Variants in JARID2 observed in about 807,000 individuals in gnomAD.
JARID2 encodes jumonji and AT-rich interaction domain containing 2.
JARID2 carries 21 observed loss-of-function variants against 125.6 expected under a neutral mutation model. The ratio of observed to expected loss-of-function variants is 0.17; its 90% CI spans 0.12 to 0.24. The LOEUF (loss-of-function observed/expected upper bound fraction) is 0.24. Among genes scored for constraint, JARID2 ranks in the 10% least tolerant of loss-of-function variants. JARID2 has a pLI of 1.00. For missense variants in JARID2, 1,303 were observed against 1,639.6 expected, an observed-to-expected ratio of 0.79 and a Z score of 3.55; for synonymous variants, 736 against 661.6, an observed-to-expected ratio of 1.11 and a Z score of -1.73.
chr6:15,258,215 G>A (rs1378991585), intron 1 of JARID2, among the ~76,000 whole-genome samples: 1 of 152,186 alleles, frequency 6.6e-6, no homozygotes, highest in Non-Finnish European at 1.5e-5. Flanking sequence ...TTCTGACACT[G>A]TGTTGGGAGT....
intron 1 of JARID2, among the ~76,000 whole-genome samples, chr6:15,277,417 C>T (rs911549455): frequency 6.6e-6 from 1 of 152,158 alleles, no homozygotes; most frequent in African/African-American, 2.4e-5. Flanking sequence ...AGCCACCGTG[C>T]TCTTGGCCTT....
intron 1 of JARID2, among the ~76,000 whole-genome samples, chr6:15,357,397 C>CT (rs1763639703): frequency 6.6e-6 from 1 of 152,176 alleles, no homozygotes; most frequent in African/African-American, 2.4e-5. Flanking sequence ...CATTCTTAGT[C>CT]TTTAATCACA....
chr6:15,258,626 A>G (rs1246820830), intron 1 of JARID2, among the ~76,000 whole-genome samples: 1 of 152,192 alleles, frequency 6.6e-6, no homozygotes, highest in East Asian at 1.9e-4. Flanking sequence ...TACTGAAAAT[A>G]CAAAAATTAG....
intron 3 of JARID2, among the ~76,000 whole-genome samples, chr6:15,433,743 A>G (rs1266547059): frequency 6.6e-6 from 1 of 151,924 alleles, no homozygotes; most frequent in Admixed American, 6.6e-5. Context: ...GTTTTTCTCC[A>G]TTCTTTTGGG....
chr6:15,335,377 G>A (rs537657121), intron 1 of JARID2, among the ~76,000 whole-genome samples: 74 of 152,284 alleles, frequency 4.9e-4, no homozygotes, highest in African/African-American at 1.7e-3. Context: ...TGGGATTGCT[G>A]GTGTGAGCCA....
In JARID2 at chr6:15,436,315, T is replaced by C. The variant is rs182379837; in HGVS notation, c.324-15691T>C. Among the ~76,000 whole-genome samples, 627 of 152,234 alleles carry C rather than the reference T, an allele frequency of 4.1e-3. 5 individuals are homozygous for C. Among genetic ancestry groups the C allele is most frequent in the African/African-American group, 0.014 (590 of 41,530 alleles). On this transcript the variant is annotated intron_variant, in intron 3 of 17. Transcript: ENST00000341776. Reference sequence around the variant, plus strand: ...GCAGATGGGAGAGCCAGAAGGGAGATGGTTTTCCCCTGGAGGCGGGCTGCA... The same window carrying C: ...GCAGATGGGAGAGCCAGAAGGGAGACGGTTTTCCCCTGGAGGCGGGCTGCA...
At chr6:15,516,637 CTG>C (rs916755845) in intron 16 of JARID2, among the ~76,000 whole-genome samples, 12 of 152,346 alleles carry the variant, frequency 7.9e-5, no homozygotes, top group African/African-American at 2.6e-4. Flanking sequence ...GCTCTGTTGA[CTG>C]TGAGCCACTC....
At chr6:15,506,790 AC>A (rs2127754880) in intron 9 of JARID2, among the ~76,000 whole-genome samples, 1 of 152,362 alleles carries the variant, frequency 6.6e-6, no homozygotes, top group Non-Finnish European at 1.5e-5. Flanking sequence ...ATGTGTCAGA[AC>A]TGACATCCTT....
chr6:15,414,575 A>G (rs1048405719), intron 3 of JARID2, among the ~76,000 whole-genome samples: 15 of 152,220 alleles, frequency 9.9e-5, no homozygotes, highest in Non-Finnish European at 1.6e-4. Flanking sequence ...TTGAAAGGTC[A>G]TCTGAGATGC....
intron 1 of JARID2, among the ~76,000 whole-genome samples, chr6:15,317,687 A>C (rs180939370): frequency 3.3e-4 from 50 of 151,844 alleles, no homozygotes; most frequent in Admixed American, 1.0e-3. Context: ...TTTGAGTTTT[A>C]GTTGGAGTTT....
At chr6:15,470,430 C>T (rs1769019434) in intron 5 of JARID2, among the ~76,000 whole-genome samples, 1 of 152,190 alleles carries the variant, frequency 6.6e-6, no homozygotes, top group Non-Finnish European at 1.5e-5. Context: ...TACCATTTGC[C>T]TTTCTGGATT....
At chr6:15,504,459 G>C in intron 8 of JARID2, 41 bp from the exon 9 acceptor site, 2 of 1,494,714 alleles carry the variant, frequency 1.3e-6, no homozygotes, top group Non-Finnish European at 1.9e-6. Context: ...GTAGGGTTCA[G>C]CTTTGCTTCT....
intron 1 of JARID2, among the ~76,000 whole-genome samples, chr6:15,261,480 C>T (rs1001897917): frequency 6.6e-6 from 1 of 151,198 alleles, no homozygotes; most frequent in Admixed American, 6.6e-5. Context: ...ACGACACCCA[C>T]CTAAATTTTG....
intron 1 of JARID2, among the ~76,000 whole-genome samples, chr6:15,267,844 T>C (rs984263811): frequency 8.5e-5 from 13 of 152,110 alleles, no homozygotes; most frequent in African/African-American, 3.1e-4. Context: ...TTTGTGTTGC[T>C]TGGGGCCCTG....
At chr6:15,266,145 C>T (rs2127342076) in intron 1 of JARID2, among the ~76,000 whole-genome samples, 1 of 152,270 alleles carries the variant, frequency 6.6e-6, no homozygotes, top group African/African-American at 2.4e-5. Context: ...TCCCATTTTA[C>T]CTTAGGAAGT....
rs114982733 is a variant in JARID2 at position 15,299,009 on chromosome 6, C to A, written c.45+52425C>A. Among the ~76,000 whole-genome samples the A allele has an allele frequency of 7.7e-5, 7 of 91,390 alleles. No individual in the cohort carries two copies. The East Asian group carries it at 2.2e-3, about 28-fold the overall frequency. 60.0% of individuals were successfully genotyped at this position (91,390 alleles called of 152,430 possible). A position where few individuals can be genotyped will look rare whatever the true frequency, so the allele number is the denominator to read the frequency against. On this transcript the variant is annotated intron_variant, in intron 1 of 17. Transcript: ENST00000341776. The stretch of plus-strand genomic sequence containing the variant: ...TGATTTTATTTGCGGGGGTGGGGGG[C>A]GGGTGGAGCAGAGAGGATGCTTTGG...
At chr6:15,363,412 A>T (rs1368892644) in intron 1 of JARID2, among the ~76,000 whole-genome samples, 1 of 152,162 alleles carries the variant, frequency 6.6e-6, no homozygotes, top group Non-Finnish European at 1.5e-5. Flanking sequence ...ATTGCCTTAG[A>T]TAATTATTTG....
chr6:15,331,140 C>T (rs1581420858), intron 1 of JARID2, among the ~76,000 whole-genome samples: 1 of 151,428 alleles, frequency 6.6e-6, no homozygotes, highest in South Asian at 2.1e-4. Context: ...GGAGACTAGC[C>T]TGGGTGATAT....
chr6:15,372,381 CAG>C (rs1312108856), intron 1 of JARID2, among the ~76,000 whole-genome samples: 5 of 152,240 alleles, frequency 3.3e-5, no homozygotes, highest in African/African-American at 7.2e-5. Flanking sequence ...TATTTTTAGA[CAG>C]AGTTTTGCTC....
Sources: allele counts gnomAD v4.1 joint callset (sites outside exome capture counted in the v4.1 genomes callset), GRCh38; gene constraint gnomAD v4.1.1; transcripts MANE v1.5; gene names NCBI Gene and HGNC (gene_info 2026-07-23, HGNC 2026-07-21).